The following KIAA0825 variants were observed in gnomAD, a reference collection of about 807,000 sequenced individuals.
KIAA0825 encodes the protein uncharacterized protein KIAA0825.
A neutral mutation model predicts 147.6 loss-of-function variants in KIAA0825; 119 were observed. The ratio of observed to expected loss-of-function variants is 0.81; its 90% CI spans 0.69 to 0.94. The LOEUF is 0.94. Ranked by LOEUF, KIAA0825 falls within the 40% of genes least tolerant of loss-of-function variation. The probability of loss-of-function intolerance (pLI) is 0.00; values close to 1 mark genes in which losing one functional copy is unlikely to be tolerated. For synonymous variants in KIAA0825, 470 were observed against 518.1 expected, an observed-to-expected ratio of 0.91 and a Z score of 1.26; for missense variants, 1,381 against 1,472.7, an observed-to-expected ratio of 0.94 and a Z score of 1.02.
chr5:94,214,886 A>G (rs1048649865), intron 20 of KIAA0825, among the ~76,000 whole-genome samples: 1 of 152,194 alleles, frequency 6.6e-6, no homozygotes, highest in Admixed American at 6.5e-5. Flanking sequence ...AAACAACAAA[A>G]CAAAATAAGA....
chr5:94,340,353 T>G lies in KIAA0825; in HGVS notation c.3710+44015A>C, dbSNP rs548202616. On this transcript the variant is annotated intron_variant, in intron 20 of 20. Transcript: ENST00000682413. ...GTACAGACACAAACCATCCATTTTT[T>G]GGGGGGGAATATTTTCAATCTGAGG... Among the ~76,000 whole-genome samples, 17 of 152,146 alleles carry G rather than the reference T, an allele frequency of 1.1e-4. No homozygotes were observed. In the East Asian group the frequency reaches 1.9e-3, roughly 17 times the overall value.
intron 20 of KIAA0825, among the ~76,000 whole-genome samples, chr5:94,158,354 T>C (rs1318804519): frequency 6.6e-6 from 1 of 152,134 alleles, no homozygotes; most frequent in Middle Eastern, 3.2e-3. Flanking sequence ...TTGCCAAATT[T>C]GCGCTAGAAT....
intron 2 of KIAA0825, among the ~76,000 whole-genome samples, chr5:94,556,945 G>A (rs1253171526): frequency 6.6e-6 from 1 of 151,994 alleles, no homozygotes; most frequent in Admixed American, 6.6e-5. Flanking sequence ...ATTCAGTACT[G>A]ACAGCTACTC....
chr5:94,547,887 A>C (rs943799220), intron 2 of KIAA0825, among the ~76,000 whole-genome samples: 2 of 152,090 alleles, frequency 1.3e-5, no homozygotes, highest in Admixed American at 1.3e-4. Context: ...AAAAAAACAA[A>C]AAAACCTTTT....
chr5:94,470,178 A>G, intron 9 of KIAA0825, 67 bp from the exon 10 acceptor site: 1 of 1,115,852 alleles, frequency 9.0e-7, no homozygotes, highest in South Asian at 2.2e-5. Context: ...AACAATCTCC[A>G]GTACTACAAA....
chr5:94,187,402 G>GTTT lies in KIAA0825; in HGVS notation c.3711-33281_3711-33279dup, dbSNP rs34689731. On this transcript the variant is annotated intron_variant, in intron 20 of 20. Transcript: ENST00000682413. Reference sequence around the variant, plus strand: ...AAAAACAGAAATCTGAGAGAAAGGAGTTTTTTTTTTTTTTTTTTTTTAATT... The same window carrying GTTT: ...AAAAACAGAAATCTGAGAGAAAGGAGTTTTTTTTTTTTTTTTTTTTTTTTAATT... Among the ~76,000 whole-genome samples the GTTT allele has an allele frequency of 7.9e-4, 83 of 105,684 alleles. 1 individual carries two copies. The highest frequency in any genetic ancestry group is 2.1e-3 in the African/African-American group (60 of 28,026). 69.3% of individuals were successfully genotyped at this position (105,684 alleles called of 152,430 possible).
chr5:94,346,153 A>C (rs748210832), intron 20 of KIAA0825, among the ~76,000 whole-genome samples: 4 of 152,174 alleles, frequency 2.6e-5, no homozygotes, highest in Non-Finnish European at 5.9e-5. Context: ...GGGATAAGAC[A>C]ATATGAGGGG....
intron 20 of KIAA0825, among the ~76,000 whole-genome samples, chr5:94,216,689 G>C (rs947616755): frequency 6.6e-6 from 1 of 152,144 alleles, no homozygotes; most frequent in African/African-American, 2.4e-5. Flanking sequence ...ACATAGAAAA[G>C]ATTCACAAGA....
chr5:94,237,064 T>C (rs1410947900), intron 20 of KIAA0825, among the ~76,000 whole-genome samples: 1 of 151,968 alleles, frequency 6.6e-6, no homozygotes, highest in Non-Finnish European at 1.5e-5. Flanking sequence ...TGTGTGTGTG[T>C]GTGTGTGTCT....
At chr5:94,275,417 T>C (rs1045620498) in intron 20 of KIAA0825, among the ~76,000 whole-genome samples, 3 of 152,158 alleles carry the variant, frequency 2.0e-5, no homozygotes, top group African/African-American at 7.2e-5. Context: ...ATTCCAGAGA[T>C]AAACTTTAGA....
intron 20 of KIAA0825, among the ~76,000 whole-genome samples, chr5:94,209,198 A>G (rs914697605): frequency 3.3e-5 from 5 of 152,186 alleles, no homozygotes; most frequent in African/African-American, 1.2e-4. Flanking sequence ...GAATTTGTTT[A>G]TTGCATTAAA....
intron 20 of KIAA0825, among the ~76,000 whole-genome samples, chr5:94,330,755 AG>A (rs1371888577): frequency 6.6e-6 from 1 of 152,184 alleles, no homozygotes; most frequent in East Asian, 1.9e-4. Flanking sequence ...GTTCTTTAAA[AG>A]GGTTGCTTAA....
chr5:94,593,164 G>A (rs1037099971), intron 1 of KIAA0825: 17 of 747,434 alleles, frequency 2.3e-5, no homozygotes, highest in Admixed American at 7.0e-5. Context: ...TGAGGCCCAC[G>A]ATCCGCTAGT....
intron 14 of KIAA0825, among the ~76,000 whole-genome samples, chr5:94,427,465 G>A (rs1406904366): frequency 6.6e-6 from 1 of 152,134 alleles, no homozygotes; most frequent in East Asian, 1.9e-4. Flanking sequence ...GAGCCCAAGA[G>A]TTTGAGGTTG....
At chr5:94,357,704 A>G (rs1196700536) in intron 20 of KIAA0825, among the ~76,000 whole-genome samples, 2 of 152,220 alleles carry the variant, frequency 1.3e-5, no homozygotes, top group Non-Finnish European at 2.9e-5. Context: ...AAGAAGGGCT[A>G]TGGCCTTTCT....
At chr5:94,236,711 C>T (rs1775060909) in intron 20 of KIAA0825, among the ~76,000 whole-genome samples, 1 of 152,172 alleles carries the variant, frequency 6.6e-6, no homozygotes, top group African/African-American at 2.4e-5. Context: ...GAAATTGCCA[C>T]AGTCACCCCA....
rs79370306 is a variant in KIAA0825 at position 94,568,291 on chromosome 5, G to A, written c.-2+14142C>T. 1,350 of 158,390 alleles carry A rather than the reference G, an allele frequency of 8.5e-3. 15 individuals are homozygous for A. Among genetic ancestry groups the A allele is most frequent in the African/African-American group, 0.031 (1,270 of 41,536 alleles). The allele number at this position is 158,390 out of a possible 1,614,324, so 9.8% of individuals were successfully genotyped here. On this transcript the variant is annotated intron_variant, in intron 2 of 20. Transcript: ENST00000682413. Reference sequence around the variant, plus strand: ...CACTTGCAGGAATGCCCTTCCTCACGGGCTTCTATTCCATAGACCTCATCA... The same window carrying A: ...CACTTGCAGGAATGCCCTTCCTCACAGGCTTCTATTCCATAGACCTCATCA...
chr5:94,564,442 C>G lies in KIAA0825; in HGVS notation c.-2+17991G>C, dbSNP rs377032534. ...GGTATCGACTACCGGCATGAGCCAC[C>G]ATGCCTTATTTTTGAGTGTGTGTGT... On this transcript the variant is annotated intron_variant, in intron 2 of 20. Coordinates refer to ENST00000682413, the MANE Select transcript of KIAA0825 (RefSeq NM_001145678.3). Among the ~76,000 whole-genome samples the G allele has an allele frequency of 6.7e-5, 8 of 118,578 alleles. No homozygotes were observed. The South Asian group carries it at 2.4e-3, about 35-fold the overall frequency. 77.8% of individuals were successfully genotyped at this position (118,578 alleles called of 152,430 possible). A position where few individuals can be genotyped will look rare whatever the true frequency, so the allele number is the denominator to read the frequency against.
At chr5:94,464,151 G>T (rs1760200111) in intron 11 of KIAA0825, among the ~76,000 whole-genome samples, 1 of 150,372 alleles carries the variant, frequency 6.7e-6, no homozygotes, top group Non-Finnish European at 1.5e-5. Context: ...CTACCTAAAA[G>T]GTCTGAATCA....
Sources: allele counts gnomAD v4.1 joint callset (sites outside exome capture counted in the v4.1 genomes callset), GRCh38; gene constraint gnomAD v4.1.1; transcripts MANE v1.5; gene names NCBI Gene and HGNC (gene_info 2026-07-23, HGNC 2026-07-21).